The following AFDN variants were observed in gnomAD, a reference collection of about 807,000 sequenced individuals.
The protein encoded by AFDN is afadin.
A neutral mutation model predicts 216.6 loss-of-function variants in AFDN; 68 were observed. The observed-to-expected ratio is 0.31, with a 90% CI of 0.26 to 0.38. AFDN has a LOEUF of 0.38. Among genes scored for constraint, AFDN ranks in the 10% least tolerant of loss-of-function variants. AFDN has a pLI of 1.00. For synonymous variants in AFDN, 868 were observed against 853.7 expected, an observed-to-expected ratio of 1.02 and a Z score of -0.29; for missense variants, 2,136 against 2,342.0, an observed-to-expected ratio of 0.91 and a Z score of 1.82.
chr6:167,953,189 C>A (rs530467111), intron 30 of AFDN, among the ~76,000 whole-genome samples: 9 of 151,934 alleles, frequency 5.9e-5, no homozygotes, highest in Non-Finnish European at 1.2e-4. Context: ...TTCTTTTTAT[C>A]TTTTGGATTC....
chr6:167,907,317 GAA>G (rs1789830592), intron 13 of AFDN, 28 bp downstream of exon 13: 5 of 1,501,192 alleles, frequency 3.3e-6, no homozygotes, highest in Admixed American at 1.7e-5. Context: ...TTTCAATGGT[GAA>G]AGTACTGAAA....
intron 1 of AFDN, among the ~76,000 whole-genome samples, chr6:167,854,067 A>T (rs1249638190): frequency 6.6e-6 from 1 of 151,946 alleles, no homozygotes; most frequent in Non-Finnish European, 1.5e-5. Flanking sequence ...TTGGGTATAT[A>T]CTTTTTTTTC....
chr6:167,875,580 C>T, intron 5 of AFDN, 85 bp downstream of exon 5: 5 of 1,347,916 alleles, frequency 3.7e-6, no homozygotes, highest in Non-Finnish European at 5.2e-6. Context: ...CTTGCTTTAA[C>T]TAAAGCAATG....
At position 167,917,226 on chromosome 6, in the gene AFDN, C is replaced by A; in HGVS notation, c.2703C>A (p.Ile901=). ...ACTGTGCACCTGATGAGCCTTTTATCCCAACGGTGAGTGGATGTTGCCACA... is the reference window on the plus strand; with the variant it reads ...ACTGTGCACCTGATGAGCCTTTTATACCAACGGTGAGTGGATGTTGCCACA... ...NYHCAPDEPF[I]PTDLIENVVT... Residue 901 remains isoleucine, a synonymous_variant, in exon 20 of 34, where the codon ATC becomes ATA. Coordinates refer to ENST00000683244, the MANE Select transcript of AFDN (RefSeq NM_001386888.1). 6.3e-7 allele frequency: 1 copy of A among 1,590,864 alleles called. No homozygotes were observed.
intron 22 of AFDN, among the ~76,000 whole-genome samples, chr6:167,924,313 G>A (rs765378857): frequency 3.3e-5 from 5 of 152,096 alleles, no homozygotes; most frequent in East Asian, 3.8e-4. Context: ...ACTCTTTGGC[G>A]TATAGGAGTG....
chr6:167,837,314 A>G (rs955789470), intron 1 of AFDN, among the ~76,000 whole-genome samples: 1 of 152,088 alleles, frequency 6.6e-6, no homozygotes. Context: ...CATTTGGAAA[A>G]TACAAACAGA....
chr6:167,954,353 G>T (rs938101878), intron 30 of AFDN: 1 of 807,182 alleles, frequency 1.2e-6, no homozygotes, highest in Non-Finnish European at 1.9e-6. Flanking sequence ...CACAGATGAC[G>T]CATGATAGTG....
At chr6:167,826,634 C>T, upstream of AFDN, 1 of 500,406 alleles carries the variant, frequency 2.0e-6, no homozygotes. Context: ...TTAGATCCAG[C>T]AGCGCGCGTC....
intron 23 of AFDN, among the ~76,000 whole-genome samples, chr6:167,937,623 A>G (rs1466581300): frequency 6.6e-6 from 1 of 152,208 alleles, no homozygotes; most frequent in Non-Finnish European, 1.5e-5. Flanking sequence ...TTGGAATTAA[A>G]AGAAGTGGTT....
chr6:167,917,229 A>G lies in AFDN; in HGVS notation c.2706A>G (p.Pro902=), dbSNP rs759181751. The G allele has an allele frequency of 3.1e-6, 5 of 1,588,406 alleles. No individual in the cohort carries two copies. The highest frequency in any genetic ancestry group is 1.7e-4 in the Middle Eastern group (1 of 5,978). The change falls in exon 20 of 34, where the codon CCA becomes CCG. Residue 902 remains proline (P), a synonymous_variant. Coordinates refer to ENST00000683244, the MANE Select transcript of AFDN (RefSeq NM_001386888.1). ...YHCAPDEPFI[P]TDLIENVVTV... ...GTGCACCTGATGAGCCTTTTATCCCAACGGTGAGTGGATGTTGCCACATTA... is the reference window on the plus strand; with the variant it reads ...GTGCACCTGATGAGCCTTTTATCCCGACGGTGAGTGGATGTTGCCACATTA...
intron 6 of AFDN, among the ~76,000 whole-genome samples, chr6:167,887,631 AT>A (rs34196424): frequency 2.0e-5 from 3 of 151,376 alleles, no homozygotes; most frequent in Admixed American, 1.3e-4. Context: ...AATTTTTTGT[AT>A]TTTTTAGTAG....
At chr6:167,871,213 T>C (rs188261030) in intron 3 of AFDN, among the ~76,000 whole-genome samples, 1 of 148,414 alleles carries the variant, frequency 6.7e-6, no homozygotes, top group Non-Finnish European at 1.5e-5. Flanking sequence ...TGTTGAAGAG[T>C]CATGGAGATG....
At chr6:167,933,853 A>G (rs942146717) in intron 23 of AFDN, among the ~76,000 whole-genome samples, 3 of 152,218 alleles carry the variant, frequency 2.0e-5, no homozygotes, top group Non-Finnish European at 4.4e-5. Flanking sequence ...GATAATTTGT[A>G]GAGTTTACCT....
At chr6:167,848,623 A>C (rs1299815241) in intron 1 of AFDN, among the ~76,000 whole-genome samples, 1 of 152,214 alleles carries the variant, frequency 6.6e-6, no homozygotes, top group East Asian at 1.9e-4. Context: ...ATTTAGATTC[A>C]GATTTTTTAG....
chr6:167,962,628 C>T lies in AFDN; in HGVS notation c.4968+61C>T. On this transcript the variant is annotated intron_variant, in intron 31 of 33. Coordinates refer to ENST00000683244, the MANE Select transcript of AFDN (RefSeq NM_001386888.1). The surrounding 1 kb of genome is among the most constrained non-coding windows in gnomAD (Gnocchi z 5.2). Reference sequence around the variant, plus strand: ...AGTTAGCCTGAACGTAATCGATTGGCTGGGGCAGAGCGGGCTGGAAGTTCT... The same window carrying T: ...AGTTAGCCTGAACGTAATCGATTGGTTGGGGCAGAGCGGGCTGGAAGTTCT... 6.2e-7 allele frequency: 1 copy of T among 1,609,606 alleles called. No individual in the cohort carries two copies. The highest frequency in any genetic ancestry group is 2.2e-5 in the East Asian group (1 of 44,802).
intron 2 of AFDN, among the ~76,000 whole-genome samples, chr6:167,866,141 G>C (rs1376655056): frequency 2.1e-5 from 3 of 145,932 alleles, no homozygotes; most frequent in Admixed American, 7.0e-5. Flanking sequence ...AGTCTGTGCT[G>C]TTCAGTTAGT....
chr6:167,932,517 G>A (rs1487127441), intron 23 of AFDN: 2 of 152,186 alleles, frequency 1.3e-5, no homozygotes, highest in Non-Finnish European at 2.9e-5. Context: ...AAAGCGAATA[G>A]CAGTCAGCGT....
At position 167,965,929 on chromosome 6, in the gene AFDN, C is replaced by G; in HGVS notation, c.5141C>G (p.Pro1714Arg). 1 of 1,550,684 alleles carries G rather than the reference C, an allele frequency of 6.4e-7. No homozygotes were observed. Among genetic ancestry groups the G allele is most frequent in the African/African-American group, 1.4e-5 (1 of 73,138 alleles). ...CCCGCGCCCGGCGCCCCTCCTCCCC[C>G]GCCTCAGCGAAACGCCTCCTACCTC... is the stretch of plus-strand genomic sequence containing the variant. ...PSPAPGAPPP[P>R]PQRNASYLKT... Residue 1714 changes from proline to arginine, a missense_variant, in exon 32 of 34, where the codon CCG (proline) becomes CGG (arginine). Physicochemically the swap from Pro to Arg is moderately radical, Grantham distance 103. This residue lies in a region of AFDN where 981 missense variants were observed against 966.0 expected (regional missense o/e 1.02). Coordinates refer to ENST00000683244, the MANE Select transcript of AFDN (RefSeq NM_001386888.1).
At chr6:167,948,919 C>G (rs1795653284) in intron 29 of AFDN, among the ~76,000 whole-genome samples, 1 of 152,226 alleles carries the variant, frequency 6.6e-6, no homozygotes, top group Non-Finnish European at 1.5e-5. Flanking sequence ...GGACGAGAAC[C>G]TGGGCACAGC....
Sources: allele counts gnomAD v4.1 joint callset (sites outside exome capture counted in the v4.1 genomes callset), GRCh38; gene constraint gnomAD v4.1.1; regional missense constraint gnomAD v4.1.1; non-coding constraint Gnocchi (gnomAD v3.1); transcripts MANE v1.5; gene names NCBI Gene and HGNC (gene_info 2026-07-23, HGNC 2026-07-21).